KIF18A: variants seen among roughly 807,000 people sequenced by gnomAD.
KIF18A encodes the protein kinesin-like protein KIF18A.
A neutral mutation model predicts 103.3 loss-of-function variants in KIF18A; 67 were observed. The observed-to-expected ratio is 0.65, with a 90% CI of 0.53 to 0.79. The LOEUF (loss-of-function observed/expected upper bound fraction) is 0.79, where lower values mean the gene tolerates loss of function less well. KIF18A is among the 30% of genes least tolerant of loss of function. The probability of loss-of-function intolerance (pLI) is 0.00; values close to 1 mark genes in which losing one functional copy is unlikely to be tolerated. For missense variants in KIF18A, 1,032 were observed against 1,062.5 expected, an observed-to-expected ratio of 0.97 and a Z score of 0.40; for synonymous variants, 367 against 355.5, an observed-to-expected ratio of 1.03 and a Z score of -0.36.
At chr11:28,101,342 T>C (rs1206661823) in intron 1 of KIF18A, among the ~76,000 whole-genome samples, 1 of 152,182 alleles carries the variant, frequency 6.6e-6, no homozygotes, top group Admixed American at 6.6e-5. Flanking sequence ...TAAATATACA[T>C]AAATGAAATT....
chr11:28,087,591 G>A (rs1050121896), intron 6 of KIF18A, among the ~76,000 whole-genome samples: 2 of 152,136 alleles, frequency 1.3e-5, no homozygotes, highest in Middle Eastern at 3.4e-3. Flanking sequence ...AATTCTTTGG[G>A]CGTATATACC....
At chr11:28,096,223 C>T (rs1042433028) in intron 2 of KIF18A, among the ~76,000 whole-genome samples, 9 of 146,244 alleles carry the variant, frequency 6.2e-5, no homozygotes, top group Admixed American at 2.0e-4. Context: ...AAAATCCACT[C>T]TGTGAATTAC....
At chr11:28,103,791 C>A (rs1258184148) in intron 1 of KIF18A, among the ~76,000 whole-genome samples, 1 of 151,714 alleles carries the variant, frequency 6.6e-6, no homozygotes, top group Non-Finnish European at 1.5e-5. Context: ...CAATAGTTGA[C>A]AACAACAGGC....
At chr11:28,097,274 T>C (rs552034390) in intron 2 of KIF18A, 1 of 181,800 alleles carries the variant, frequency 5.5e-6, no homozygotes, top group East Asian at 1.6e-4. Context: ...CAGGAATAGA[T>C]AATTACATAG....
chr11:28,091,504 C>G lies in KIF18A; in HGVS notation c.493G>C (p.Glu165Gln). 6.4e-7 allele frequency: 1 copy of G among 1,564,742 alleles called. No individual in the cohort carries two copies. Among genetic ancestry groups the G allele is most frequent in the Non-Finnish European group, 8.8e-7 (1 of 1,141,766 alleles). Residue 165 changes from glutamate (E) to glutamine (Q), a missense_variant, in exon 4 of 17, where the codon GAA becomes CAA. Coordinates refer to ENST00000263181, the MANE Select transcript of KIF18A (RefSeq NM_031217.4). ...TTTACTAAGAGATCACGAATCTGTTCATTATATACCTTAAAATAAAAAGAA... is the reference window on the plus strand; with the variant it reads ...TTTACTAAGAGATCACGAATCTGTTGATTATATACCTTAAAATAAAAAGAA... ...TAVSYLEVYN[E>Q]QIRDLLVNSG...
At chr11:28,060,442 A>G (rs1850843437) in intron 12 of KIF18A, among the ~76,000 whole-genome samples, 1 of 152,186 alleles carries the variant, frequency 6.6e-6, no homozygotes, top group South Asian at 2.1e-4. Flanking sequence ...AGAAATTGTG[A>G]CCTTTTTCCT....
intron 1 of KIF18A, among the ~76,000 whole-genome samples, chr11:28,102,222 G>T (rs1219809576): frequency 6.6e-6 from 1 of 152,102 alleles, no homozygotes; most frequent in East Asian, 1.9e-4. Context: ...CTCTCTCTCT[G>T]AAATTTGCTG....
chr11:28,036,079 A>T, intron 14 of KIF18A, 138 bp downstream of exon 14: 1 of 583,994 alleles, frequency 1.7e-6, no homozygotes, highest in East Asian at 2.8e-5. Context: ...TCAGAGAGAA[A>T]GATAATTAAA....
chr11:28,061,497 A>G (rs1850855921), intron 12 of KIF18A, among the ~76,000 whole-genome samples: 1 of 152,158 alleles, frequency 6.6e-6, no homozygotes, highest in Non-Finnish European at 1.5e-5. Flanking sequence ...TGGTTAAAAG[A>G]AATTATTGTT....
intron 13 of KIF18A, among the ~76,000 whole-genome samples, chr11:28,056,576 A>G (rs970681043): frequency 2.6e-5 from 4 of 152,018 alleles, no homozygotes; most frequent in Non-Finnish European, 4.4e-5. Context: ...AAAACAAACA[A>G]AAGATAATGC....
intron 10 of KIF18A, among the ~76,000 whole-genome samples, chr11:28,071,991 T>C (rs2133541376): frequency 6.6e-6 from 1 of 152,266 alleles, no homozygotes; most frequent in East Asian, 1.9e-4. Flanking sequence ...AGTCCATTTA[T>C]GACTTTTTAC....
chr11:28,097,084 G>T, intron 2 of KIF18A, among the ~76,000 whole-genome samples: 1 of 151,998 alleles, frequency 6.6e-6, no homozygotes, highest in East Asian at 1.9e-4. Flanking sequence ...TGCATGCTGC[G>T]GGGTTTAGTG....
chr11:28,046,940 G>A (rs1439283752), intron 13 of KIF18A, among the ~76,000 whole-genome samples: 10 of 150,004 alleles, frequency 6.7e-5, no homozygotes, highest in Non-Finnish European at 1.5e-4. Context: ...TGTAATCCCA[G>A]CTATTTGGGA....
At chr11:28,078,627 C>T (rs1851125329) in intron 9 of KIF18A, among the ~76,000 whole-genome samples, 3 of 152,072 alleles carry the variant, frequency 2.0e-5, no homozygotes, top group Admixed American at 1.3e-4. Flanking sequence ...TTAGGTAATA[C>T]ATGAGTATTA....
intron 13 of KIF18A, among the ~76,000 whole-genome samples, chr11:28,051,014 TC>T (rs770835201): frequency 8.6e-5 from 13 of 151,946 alleles, no homozygotes; most frequent in Non-Finnish European, 1.5e-4. Context: ...AAATATTGTA[TC>T]TAGGGATCTA....
chr11:28,052,177 C>A (rs570366978), intron 13 of KIF18A, among the ~76,000 whole-genome samples: 44 of 152,200 alleles, frequency 2.9e-4, no homozygotes, highest in African/African-American at 1.1e-3. Context: ...AGTGCCTCCT[C>A]ATGTTTCAGC....
In KIF18A at chr11:28,035,165, G is replaced by T. The variant is rs181968830; in HGVS notation, c.2504+222C>A. On this transcript the variant is annotated intron_variant, in intron 15 of 16. Transcript: ENST00000263181. ...AACTTTTCAATTTATTTTTAAGTCT[G>T]TAATATGAAATATTTTATAAAATAT... Among the ~76,000 whole-genome samples, 285 of 151,618 alleles carry T rather than the reference G, an allele frequency of 1.9e-3. 1 individual carries two copies. The highest frequency in any genetic ancestry group is 6.5e-3 in the African/African-American group (271 of 41,458).
At chr11:28,035,120 T>A (rs1412476628) in intron 15 of KIF18A, among the ~76,000 whole-genome samples, 1 of 151,588 alleles carries the variant, frequency 6.6e-6, no homozygotes, top group Non-Finnish European at 1.5e-5. Context: ...AAAGTTAAAA[T>A]TAAGTAGTTT....
intron 1 of KIF18A, among the ~76,000 whole-genome samples, chr11:28,106,479 G>C (rs1185094590): frequency 1.3e-5 from 2 of 148,946 alleles, no homozygotes; most frequent in Admixed American, 6.8e-5. Flanking sequence ...AAGAATAAAA[G>C]GTTCAACTGG....
Sources: gnomAD v4.1 joint callset for allele counts (sites outside exome capture counted in the v4.1 genomes callset) on GRCh38, gnomAD v4.1.1 for gene constraint, MANE v1.5 for transcripts, NCBI Gene and HGNC (gene_info 2026-07-23, HGNC 2026-07-21) for gene names.